HELQ: variants seen among roughly 807,000 people sequenced by gnomAD.
The protein encoded by HELQ is helicase POLQ-like.
In HELQ, 77 loss-of-function variants were observed where a neutral mutation model predicts 111.6. That is an observed-to-expected ratio of 0.69 (90% confidence interval 0.57 to 0.83). The LOEUF (loss-of-function observed/expected upper bound fraction) is 0.83, where lower values mean the gene tolerates loss of function less well. HELQ is among the 40% of genes least tolerant of loss of function. HELQ has a pLI of 0.00. For synonymous variants in HELQ, 438 were observed against 454.7 expected (o/e 0.96, Z 0.47); for missense variants, 1,200 against 1,288.5 (o/e 0.93, Z 1.05).
chr4:83,446,839 T>C lies in HELQ; in HGVS notation c.1388A>G (p.Asp463Gly). 1 of 1,604,174 alleles carries C rather than the reference T, an allele frequency of 6.2e-7. No homozygotes were observed. Residue 463 changes from aspartate to glycine, a missense_variant, in exon 4 of 18, where the codon GAC becomes GGC. This residue lies in a region of HELQ where 610 missense variants were observed against 607.1 expected (regional missense o/e 1.00). Transcript: ENST00000295488. ...ATTACAAAAGTATTAACCAACCTCG[T>C]CTACAACAACCAGACCCAGACTGTC... ...RIDSLGLVVV[D>G]ELHMIGEGSR... is the part of the protein sequence containing the mutation.
intron 17 of HELQ, among the ~76,000 whole-genome samples, chr4:83,408,552 CT>C (rs546749656): frequency 1.2e-3 from 170 of 141,874 alleles, no homozygotes; most frequent in Non-Finnish European, 1.2e-3. Context: ...TGCCCAGCCT[CT>C]TTTTTTTTTT....
rs537311818 is a variant in HELQ, at chr4:83,453,159, C to T, written c.1012+72G>A. The T allele has an allele frequency of 1.3e-4, 109 of 816,254 alleles. No homozygotes were observed. In the South Asian group the frequency reaches 1.8e-3, roughly 13 times the overall value. The allele number at this position is 816,254 out of a possible 1,614,324, so 50.6% of individuals were successfully genotyped here. ...ACAGTATGGACCATGAAAGCATTTGCTTCTATTTACTTGCACTAATATTAT... is the reference window on the plus strand; with the variant it reads ...ACAGTATGGACCATGAAAGCATTTGTTTCTATTTACTTGCACTAATATTAT... On this transcript the variant is annotated intron_variant, in intron 2 of 17. Coordinates refer to ENST00000295488, the MANE Select transcript of HELQ (RefSeq NM_133636.5).
chr4:83,441,700 T>C (rs934447346), intron 6 of HELQ, among the ~76,000 whole-genome samples: 1 of 152,034 alleles, frequency 6.6e-6, no homozygotes, highest in Non-Finnish European at 1.5e-5. Context: ...TCACAAAAAG[T>C]GTGAGTCTTG....
chr4:83,454,020 A>C, intron 1 of HELQ, 75 bp from the exon 2 acceptor site: 1 of 891,890 alleles, frequency 1.1e-6, no homozygotes, highest in Non-Finnish European at 1.8e-6. Context: ...CCTGGCCAAC[A>C]TGGTCAAACC....
chr4:83,445,184 G>T (rs1720987469), intron 5 of HELQ, among the ~76,000 whole-genome samples: 1 of 152,188 alleles, frequency 6.6e-6, no homozygotes, highest in Admixed American at 6.5e-5. Flanking sequence ...GTTTGGCTCA[G>T]ACTAAGCCTT....
At position 83,416,781 on chromosome 4, in the gene HELQ, T is replaced by C. The variant is rs1421660333; in HGVS notation, c.3148A>G (p.Ile1050Val). 17 of 1,614,020 alleles carry C rather than the reference T, an allele frequency of 1.1e-5. No individual in the cohort carries two copies. The highest frequency in any genetic ancestry group is 1.7e-4 in the Middle Eastern group (1 of 6,058). The change falls in exon 17 of 18, where the codon ATT becomes GTT. Residue 1050 changes from isoleucine (I) to valine (V), a missense_variant. This residue lies in a region of HELQ where 585 missense variants were observed against 665.3 expected (regional missense o/e 0.88). Coordinates refer to ENST00000295488, the MANE Select transcript of HELQ (RefSeq NM_133636.5). ...GCTTGGCGTCTTGATAAATGATCAA[T>C]TGTCCTTACGAGCACTTCAGGATTT... ...NANPEVLVRT[I>V]DHLSRRQAKQ...
intron 9 of HELQ, among the ~76,000 whole-genome samples, chr4:83,435,878 T>C (rs772008882): frequency 6.6e-6 from 1 of 151,926 alleles, no homozygotes; most frequent in Non-Finnish European, 1.5e-5. Context: ...ACAGGATATA[T>C]AACTTTCATT....
chr4:83,449,085 T>C, intron 2 of HELQ, 124 bp from the exon 3 acceptor site: 1 of 730,438 alleles, frequency 1.4e-6, no homozygotes, highest in Non-Finnish European at 2.2e-6. Context: ...TAAATTTAAT[T>C]ATAACCAATG....
At chr4:83,442,428 C>G (rs1360934828) in intron 6 of HELQ, among the ~76,000 whole-genome samples, 1 of 151,404 alleles carries the variant, frequency 6.6e-6, no homozygotes, top group Non-Finnish European at 1.5e-5. Flanking sequence ...CTAATATGCT[C>G]TAATTTTTTT....
intron 10 of HELQ, 42 bp downstream of exon 10, chr4:83,432,084 A>T: frequency 7.0e-7 from 1 of 1,433,066 alleles, no homozygotes; most frequent in South Asian, 1.4e-5. Flanking sequence ...CCAACAACCA[A>T]GAAAAAGACA....
chr4:83,415,725 T>C (rs759992192), intron 17 of HELQ, among the ~76,000 whole-genome samples: 1 of 151,912 alleles, frequency 6.6e-6, no homozygotes, highest in African/African-American at 2.4e-5. Flanking sequence ...CTCCACCTCC[T>C]GGGTTCAAGT....
chr4:83,438,156 A>G (rs1036055581), intron 8 of HELQ, among the ~76,000 whole-genome samples: 1 of 152,208 alleles, frequency 6.6e-6, no homozygotes, highest in African/African-American at 2.4e-5. Flanking sequence ...TGATAGTAGG[A>G]TTGAAAGAGG....
intron 15 of HELQ, among the ~76,000 whole-genome samples, chr4:83,419,367 C>T (rs972274171): frequency 8.1e-5 from 12 of 147,682 alleles, no homozygotes; most frequent in African/African-American, 2.8e-4. Context: ...TGCTTGAGTC[C>T]AGGAGTTTGA....
At chr4:83,446,601 C>A (rs1164329476) in intron 4 of HELQ, among the ~76,000 whole-genome samples, 3 of 152,126 alleles carry the variant, frequency 2.0e-5, no homozygotes, top group African/African-American at 7.2e-5. Flanking sequence ...CCACCACGCC[C>A]AGCCAATAAA....
chr4:83,449,111 C>A, intron 2 of HELQ, 150 bp from the exon 3 acceptor site: 1 of 671,344 alleles, frequency 1.5e-6, no homozygotes. Context: ...TGTCAAAAAT[C>A]CCAAATGTGC....
chr4:83,439,413 G>A (rs1477930808), intron 8 of HELQ, among the ~76,000 whole-genome samples: 3 of 148,784 alleles, frequency 2.0e-5, no homozygotes, highest in African/African-American at 7.4e-5. Flanking sequence ...AGGCTGGAGT[G>A]CAGTAGTGCG....
chr4:83,451,103 T>C (rs918681455), intron 2 of HELQ, among the ~76,000 whole-genome samples: 1 of 152,228 alleles, frequency 6.6e-6, no homozygotes, highest in Non-Finnish European at 1.5e-5. Flanking sequence ...TCTGGTCATG[T>C]TATTAAGCCA....
intron 13 of HELQ, 147 bp from the exon 14 acceptor site, chr4:83,426,239 T>C: frequency 1.7e-6 from 1 of 583,960 alleles, no homozygotes; most frequent in Non-Finnish European, 3.1e-6. Context: ...GTTTTAAAGT[T>C]ACATCATTAG....
chr4:83,440,025 TG>T lies in HELQ; in HGVS notation c.1663-18del. 1 of 1,599,554 alleles carries T rather than the reference TG, an allele frequency of 6.3e-7. No individual in the cohort carries two copies. The highest frequency in any genetic ancestry group is 8.5e-7 in the Non-Finnish European group (1 of 1,174,380). ...ATCAGAATACTGCAAAACAACAAGATGTAGGAACAAAGTGGTTAGTAAACAT... is the reference window on the plus strand; with the variant it reads ...ATCAGAATACTGCAAAACAACAAGATTAGGAACAAAGTGGTTAGTAAACAT... On this transcript the variant is annotated intron_variant, in intron 7 of 17. Coordinates refer to ENST00000295488, the MANE Select transcript of HELQ (RefSeq NM_133636.5).
Sources: allele counts gnomAD v4.1 joint callset (sites outside exome capture counted in the v4.1 genomes callset), GRCh38; gene constraint gnomAD v4.1.1; regional missense constraint gnomAD v4.1.1; transcripts MANE v1.5; gene names NCBI Gene and HGNC (gene_info 2026-07-23, HGNC 2026-07-21).